ZNF451: variants seen among roughly 807,000 people sequenced by gnomAD.
ZNF451 encodes zinc finger protein 451, also known as E3 SUMO-protein ligase ZNF451.
In ZNF451, 80 loss-of-function variants were observed where a neutral mutation model predicts 107.1. The observed-to-expected ratio is 0.75, with a 90% CI of 0.62 to 0.90. ZNF451 has a LOEUF of 0.90. Ranked by LOEUF, ZNF451 falls within the 40% of genes least tolerant of loss-of-function variation. The pLI, the probability that ZNF451 is intolerant of heterozygous loss-of-function variation, is 0.00. For missense variants in ZNF451, 1,107 were observed against 1,236.2 expected (o/e 0.90, Z 1.57); for synonymous variants, 362 against 406.5 (o/e 0.89, Z 1.32).
chr6:57,138,931 A>G (rs969083870), intron 7 of ZNF451, among the ~76,000 whole-genome samples: 1 of 151,036 alleles, frequency 6.6e-6, no homozygotes, highest in African/African-American at 2.4e-5. Flanking sequence ...TGTAATAAGT[A>G]TATTCTAATA....
intron 4 of ZNF451, among the ~76,000 whole-genome samples, chr6:57,125,592 A>G (rs1411937879): frequency 6.6e-6 from 1 of 152,196 alleles, no homozygotes; most frequent in Non-Finnish European, 1.5e-5. Flanking sequence ...TGAATGGACA[A>G]TTTAGAGATT....
intron 3 of ZNF451, chr6:57,116,952 ATG>A (rs1830402403): frequency 6.6e-6 from 1 of 151,924 alleles, no homozygotes; most frequent in African/African-American, 2.4e-5. Flanking sequence ...AAAAAAAAAA[ATG>A]AAGAAACTTT....
Position 57,141,604 on chromosome 6 carries a change from C to T in ZNF451, c.856+149C>T, listed in dbSNP as rs549128643. On this transcript the variant is annotated intron_variant, in intron 8 of 14. Transcript: ENST00000370706. ...GATTATCTCAATTCCTACTTAAAAA[C>T]AAAGATTCTTAATATTTATTTGTAC... 7.5e-6 allele frequency: 6 copies of T among 803,188 alleles called. No individual in the cohort carries two copies. In the East Asian group the frequency reaches 1.7e-4, roughly 22 times the overall value. 49.8% of individuals were successfully genotyped at this position (803,188 alleles called of 1,614,324 possible).
In ZNF451 at chr6:57,141,418, T is replaced by G. The variant is rs754641863; in HGVS notation, c.819T>G (p.Ser273=). ...SRKEECSKHM[S]GKNHFHQSFK... ...AGGAGGAGTGTTCAAAGCATATGTC[T>G]GGAAAGAATCATTTCCATCAGAGTT... The change falls in exon 8 of 15, where the codon TCT becomes TCG. Residue 273 remains serine (S), a synonymous_variant. Transcript: ENST00000370706. The G allele has an allele frequency of 1.9e-6, 3 of 1,612,802 alleles. No homozygotes were observed. Among genetic ancestry groups the G allele is most frequent in the Non-Finnish European group, 1.7e-6 (2 of 1,179,378 alleles).
intron 3 of ZNF451, chr6:57,109,531 T>G (rs1178395396): frequency 6.1e-6 from 6 of 985,460 alleles, no homozygotes; most frequent in Non-Finnish European, 4.8e-6. Flanking sequence ...ATTGTGCTGT[T>G]TCTATTCATA....
At chr6:57,104,194 C>A in intron 3 of ZNF451, 1 of 985,314 alleles carries the variant, frequency 1.0e-6, no homozygotes, top group African/African-American at 1.7e-5. Flanking sequence ...AGAAGAATAT[C>A]GATTACCTGA....
At chr6:57,141,680 A>G (rs556193374) in intron 8 of ZNF451, among the ~76,000 whole-genome samples, 2 of 152,288 alleles carry the variant, frequency 1.3e-5, no homozygotes, top group East Asian at 3.9e-4. Flanking sequence ...CTGGGAAGCA[A>G]ATATTTATTC....
chr6:57,113,771 A>G (rs1374209452), intron 3 of ZNF451, among the ~76,000 whole-genome samples: 1 of 151,876 alleles, frequency 6.6e-6, no homozygotes, highest in East Asian at 1.9e-4. Flanking sequence ...ACAGGCACCC[A>G]TCACCACACC....
At chr6:57,138,723 A>ATG (rs1562615442) in intron 7 of ZNF451, among the ~76,000 whole-genome samples, 11 of 116,984 alleles carry the variant, frequency 9.4e-5, no homozygotes, top group Admixed American at 6.3e-4. Context: ...ATATATATAT[A>ATG]TATATATATA....
Position 57,102,311 on chromosome 6 carries a change from T to C in ZNF451, c.186+3170T>C, listed in dbSNP as rs1042823435. ...TTGGCCAAGTGAGCAGTGGAGACTT[T>C]CTTGAAAGGGTTGGACAAATGTTTA... On this transcript the variant is annotated intron_variant, in intron 3 of 14. Transcript: ENST00000370706. 2.6e-5 allele frequency: 32 copies of C among 1,248,402 alleles called. No homozygotes were observed. The East Asian group carries it at 8.7e-4, about 34-fold the overall frequency. The allele number at this position is 1,248,402 out of a possible 1,614,324, so 77.3% of individuals were successfully genotyped here. A position where few individuals can be genotyped will look rare whatever the true frequency, so the allele number is the denominator to read the frequency against.
At chr6:57,119,447 C>T (rs1830529774) in intron 3 of ZNF451, among the ~76,000 whole-genome samples, 1 of 152,102 alleles carries the variant, frequency 6.6e-6, no homozygotes, top group Admixed American at 6.5e-5. Context: ...TCATTTGAAC[C>T]TGGGAGGCAG....
In ZNF451 at chr6:57,169,747, T is replaced by G. The variant is rs1045050073; in HGVS notation, c.*1278T>G. 1.3e-5 allele frequency: 2 copies of G among 152,154 alleles called. No homozygotes were observed. Among genetic ancestry groups the G allele is most frequent in the Admixed American group, 6.5e-5 (1 of 15,274 alleles). The allele number at this position is 152,154 out of a possible 1,614,324, so 9.4% of individuals were successfully genotyped here. On this transcript the variant is annotated 3_prime_UTR_variant, in exon 15 of 15. Transcript: ENST00000370706. ...CACTTCTGTTCCTCCCTGCTTGCAT[T>G]TTTTAAAAACTAGACATTGTGGCTT...
intron 3 of ZNF451, among the ~76,000 whole-genome samples, chr6:57,113,021 CA>C (rs1205644961): frequency 4.6e-5 from 7 of 151,886 alleles, no homozygotes; most frequent in Non-Finnish European, 8.8e-5. Context: ...ATTTTAGGTT[CA>C]GGGGTACATT....
chr6:57,106,610 A>G, intron 3 of ZNF451: 8 of 765,190 alleles, frequency 1.0e-5, no homozygotes, highest in Non-Finnish European at 1.3e-5. Context: ...CTGGCTGTGA[A>G]ATTTTTTTTT....
chr6:57,092,624 G>C (rs1310681557), intron 2 of ZNF451, among the ~76,000 whole-genome samples: 1 of 152,082 alleles, frequency 6.6e-6, no homozygotes, highest in African/African-American at 2.4e-5. Context: ...CTTTTCTCTG[G>C]AATCCAATCC....
At chr6:57,099,530 TC>T in intron 3 of ZNF451, 2 of 716,618 alleles carry the variant, frequency 2.8e-6, no homozygotes, top group Non-Finnish European at 5.2e-6. Context: ...ATTTGTTTTC[TC>T]TTAGAAAAAA....
intron 11 of ZNF451, 70 bp downstream of exon 11, chr6:57,150,932 T>C: frequency 6.5e-7 from 1 of 1,550,106 alleles, no homozygotes; most frequent in Non-Finnish European, 8.8e-7. Flanking sequence ...TTTAAAAGGC[T>C]CCTCTTAAAC....
chr6:57,100,475 A>C, intron 3 of ZNF451: 1 of 1,115,956 alleles, frequency 9.0e-7, no homozygotes, highest in Non-Finnish European at 1.2e-6. Flanking sequence ...TGTATCTTTC[A>C]CTGTTAATTA....
chr6:57,108,819 T>A, intron 3 of ZNF451: 1 of 985,426 alleles, frequency 1.0e-6, no homozygotes, highest in Non-Finnish European at 1.2e-6. Context: ...AAGGCACTCT[T>A]GAGAGAAATT....
Sources: allele counts gnomAD v4.1 joint callset (sites outside exome capture counted in the v4.1 genomes callset), GRCh38; gene constraint gnomAD v4.1.1; transcripts MANE v1.5; gene names NCBI Gene and HGNC (gene_info 2026-07-23, HGNC 2026-07-21).